Variants in NEK11 observed in about 807,000 individuals in gnomAD.
The protein encoded by NEK11 is serine/threonine-protein kinase Nek11.
Under a neutral mutation model 80.7 loss-of-function variants are expected in NEK11, and 72 were observed. That is an observed-to-expected ratio of 0.89 (90% CI 0.74 to 1.08). NEK11 has a LOEUF of 1.08. NEK11 is among the 50% of genes least tolerant of loss of function. The pLI is 0.00. For synonymous variants in NEK11, 251 were observed against 260.7 expected (o/e 0.96, Z 0.36); for missense variants, 764 against 763.6 (o/e 1.00, Z -0.01).
chr3:131,207,151 G>A (rs114948403), intron 14 of NEK11, among the ~76,000 whole-genome samples: 4 of 152,312 alleles, frequency 2.6e-5, no homozygotes, highest in African/African-American at 9.6e-5. Flanking sequence ...CTTAATAGTA[G>A]CACGATTTAT....
At chr3:131,224,743 G>A (rs866235712) in intron 14 of NEK11, among the ~76,000 whole-genome samples, 1 of 152,034 alleles carries the variant, frequency 6.6e-6, no homozygotes, top group East Asian at 1.9e-4. Flanking sequence ...TGATCCTGAC[G>A]CTGTGTAGCA....
At chr3:131,060,153 T>A (rs1318177521) in intron 3 of NEK11, among the ~76,000 whole-genome samples, 4 of 152,134 alleles carry the variant, frequency 2.6e-5, no homozygotes, top group African/African-American at 9.7e-5. Flanking sequence ...AGTTAAAGTG[T>A]CCCCTGTTAA....
At chr3:131,177,319 T>C (rs930211110) in intron 14 of NEK11, among the ~76,000 whole-genome samples, 2 of 152,224 alleles carry the variant, frequency 1.3e-5, no homozygotes, top group African/African-American at 2.4e-5. Context: ...TTGTTTTTCA[T>C]CAATAAAATG....
intron 17 of NEK11, among the ~76,000 whole-genome samples, chr3:131,342,541 C>A (rs554316073): frequency 6.8e-6 from 1 of 146,264 alleles, no homozygotes; most frequent in African/African-American, 2.7e-5. Context: ...TCACTAGTCT[C>A]CTGGTGTCTT....
chr3:131,167,868 T>C (rs943296539), intron 12 of NEK11, among the ~76,000 whole-genome samples: 1 of 152,228 alleles, frequency 6.6e-6, no homozygotes, highest in Non-Finnish European at 1.5e-5. Flanking sequence ...GATGCTGTTC[T>C]GGACAAAGAC....
At chr3:131,333,992 G>A (rs970581903) in intron 17 of NEK11, among the ~76,000 whole-genome samples, 3 of 151,650 alleles carry the variant, frequency 2.0e-5, no homozygotes, top group Admixed American at 2.0e-4. Flanking sequence ...CCTACAGAGA[G>A]ACTTAGACTC....
chr3:131,301,112 T>A (rs749863964), intron 17 of NEK11, among the ~76,000 whole-genome samples: 4 of 152,186 alleles, frequency 2.6e-5, no homozygotes, highest in Non-Finnish European at 5.9e-5. Flanking sequence ...TTAACTATAT[T>A]CCCAGGTGTT....
At chr3:131,048,884 T>G (rs2067870477) in intron 3 of NEK11, among the ~76,000 whole-genome samples, 1 of 152,204 alleles carries the variant, frequency 6.6e-6, no homozygotes, top group South Asian at 2.1e-4. Context: ...CACTTCAGCC[T>G]AAGGAGTAGA....
chr3:131,106,037 T>G (rs942144031), intron 4 of NEK11, among the ~76,000 whole-genome samples: 6 of 152,244 alleles, frequency 3.9e-5, no homozygotes, highest in Non-Finnish European at 8.8e-5. Flanking sequence ...TTACATATTT[T>G]AATTAGAATT....
In NEK11 at chr3:131,147,714, T is replaced by A. The variant is rs558317015; in HGVS notation, c.648-4674T>A. Among the ~76,000 whole-genome samples the A allele has an allele frequency of 2.6e-5, 4 of 152,192 alleles. No homozygotes were observed. The East Asian group carries it at 7.7e-4, about 29-fold the overall frequency. The stretch of plus-strand genomic sequence containing the variant: ...ATAAAGGGCTTTGTATTCAGCAGTC[T>A]TGCGTAATTCCCTCGTTAATTCTAA... On this transcript the variant is annotated intron_variant, in intron 7 of 17. Coordinates refer to ENST00000383366, the MANE Select transcript of NEK11 (RefSeq NM_024800.5).
intron 3 of NEK11, among the ~76,000 whole-genome samples, chr3:131,035,487 A>G (rs1289182756): frequency 6.6e-6 from 1 of 152,216 alleles, no homozygotes; most frequent in Non-Finnish European, 1.5e-5. Context: ...CTGTATTGAG[A>G]CAGACTCACT....
intron 4 of NEK11, among the ~76,000 whole-genome samples, chr3:131,099,310 C>T (rs2077990210): frequency 6.6e-6 from 1 of 152,166 alleles, no homozygotes; most frequent in Non-Finnish European, 1.5e-5. Context: ...GTTTTCTATT[C>T]TGTAGCTACT....
intron 14 of NEK11, among the ~76,000 whole-genome samples, chr3:131,177,299 G>T (rs2093079664): frequency 6.6e-6 from 1 of 152,146 alleles, no homozygotes. Flanking sequence ...GTCATCTGCA[G>T]TTTTCAAATT....
intron 3 of NEK11, among the ~76,000 whole-genome samples, chr3:131,039,115 AT>A (rs2066067228): frequency 6.6e-6 from 1 of 152,204 alleles, no homozygotes; most frequent in Non-Finnish European, 1.5e-5. Context: ...TAAATAAAGT[AT>A]TTTAGGATGA....
intron 14 of NEK11, among the ~76,000 whole-genome samples, chr3:131,226,926 C>T (rs1485573234): frequency 2.0e-5 from 3 of 150,698 alleles, no homozygotes; most frequent in South Asian, 2.1e-4. Context: ...CTAGAAGCCA[C>T]GTTTAATAAA....
chr3:131,290,103 GAGAC>G (rs1450103391), intron 17 of NEK11, among the ~76,000 whole-genome samples: 9 of 152,300 alleles, frequency 5.9e-5, no homozygotes, highest in Admixed American at 4.6e-4. Flanking sequence ...AAATAATTAT[GAGAC>G]ACTGAAATGT....
chr3:131,029,812 T>A lies in NEK11; in HGVS notation c.104T>A (p.Leu35His), dbSNP rs752399680. ...AGAAGATACGTGCTTCAACAAAAAC[T>A]TGGCAGTGGAAGTTTTGGAACTGTC... ...IARRYVLQQK[L>H]GSGSFGTVYL... The change falls in exon 3 of 18, where the codon CTT becomes CAT. Residue 35 changes from leucine (L) to histidine (H), a missense_variant. Leu to His is a moderately conservative substitution (Grantham distance 99, BLOSUM62 -3). Coordinates refer to ENST00000383366, the MANE Select transcript of NEK11 (RefSeq NM_024800.5). The A allele has an allele frequency of 2.5e-6, 4 of 1,614,214 alleles. No individual in the cohort carries two copies. Among genetic ancestry groups the A allele is most frequent in the Non-Finnish European group, 2.5e-6 (3 of 1,180,034 alleles).
chr3:131,073,506 T>G (rs2148947702), intron 3 of NEK11, among the ~76,000 whole-genome samples: 1 of 152,372 alleles, frequency 6.6e-6, no homozygotes, highest in East Asian at 1.9e-4. Context: ...TATTAATTAT[T>G]TGCCTATTAT....
At chr3:131,271,576 C>T (rs2096186216) in intron 16 of NEK11, among the ~76,000 whole-genome samples, 1 of 152,056 alleles carries the variant, frequency 6.6e-6, no homozygotes, top group African/African-American at 2.4e-5. Flanking sequence ...AGGCGGATCA[C>T]CTCAGGTCAG....
Sources: gnomAD v4.1 joint callset for allele counts (sites outside exome capture counted in the v4.1 genomes callset) on GRCh38, gnomAD v4.1.1 for gene constraint, MANE v1.5 for transcripts, NCBI Gene and HGNC (gene_info 2026-07-23, HGNC 2026-07-21) for gene names.